Variants in CA4 observed in about 807,000 individuals in gnomAD.
CA4 encodes carbonic anhydrase 4, also known as CA-IV.
CA4 carries 24 observed loss-of-function variants against 34.5 expected under a neutral mutation model. The ratio of observed to expected loss-of-function variants is 0.70; its 90% CI spans 0.50 to 0.98. CA4 has a LOEUF of 0.98. Among genes scored for constraint, CA4 ranks in the 50% least tolerant of loss-of-function variants. CA4 has a pLI of 0.00. For synonymous variants in CA4, 178 were observed against 170.6 expected (o/e 1.04, Z -0.34); for missense variants, 394 against 396.7 (o/e 0.99, Z 0.06).
the CA4 span, among the ~76,000 whole-genome samples, chr17:60,176,169 A>G: frequency 6.6e-6 from 1 of 152,082 alleles, no homozygotes; most frequent in Non-Finnish European, 1.5e-5. Flanking sequence ...TGAACAGAGG[A>G]CTATTAAACT....
At chr17:60,175,188 GATTT>G (rs1164358224), downstream of CA4, among the ~76,000 whole-genome samples, 2 of 91,390 alleles carry the variant, frequency 2.2e-5, no homozygotes, top group Non-Finnish European at 3.7e-5. Flanking sequence ...ACACCCAGCT[GATTT>G]TTTTTTTTTT....
intron 4 of CA4, 30 bp downstream of exon 4, chr17:60,157,602 T>C (rs756976599): frequency 1.2e-6 from 2 of 1,614,076 alleles, no homozygotes; most frequent in Non-Finnish European, 1.7e-6. Flanking sequence ...TGGGACCTTG[T>C]CTGGGCTCTG....
the CA4 span, among the ~76,000 whole-genome samples, chr17:60,178,928 AT>A: frequency 6.6e-6 from 1 of 152,238 alleles, no homozygotes; most frequent in African/African-American, 2.4e-5. Flanking sequence ...GGTAAACTCT[AT>A]ACTCACTACA....
downstream of CA4, among the ~76,000 whole-genome samples, chr17:60,174,436 T>C (rs922247411): frequency 5.3e-5 from 8 of 152,138 alleles, 2 homozygotes; most frequent in African/African-American, 1.9e-4. Flanking sequence ...TGGTGAACAC[T>C]GGGGCCCACA....
Position 60,167,873 on chromosome 17 carries a change from G to T in CA4, c.*179-2678G>T, listed in dbSNP as rs952726148. On this transcript the variant is annotated intron_variant and NMD_transcript_variant, in intron 5 of 5. Coordinates refer to the CA4 transcript ENST00000586876. ...GTCTCCATGAGGCTATTGAATCGGG[G>T]TTCATTCTACTCTAGATGAAGCTGT... 2.0e-5 allele frequency among the ~76,000 whole-genome samples: 3 copies of T among 152,148 alleles called. No individual in the cohort carries two copies. In the South Asian group the frequency reaches 6.2e-4, roughly 32 times the overall value.
downstream of CA4, among the ~76,000 whole-genome samples, chr17:60,174,926 C>T (rs1057502482): frequency 6.6e-6 from 1 of 152,212 alleles, no homozygotes; most frequent in Non-Finnish European, 1.5e-5. Context: ...TCCATGCAGA[C>T]TCACCACCTT....
downstream of CA4, among the ~76,000 whole-genome samples, chr17:60,163,123 C>T: frequency 6.6e-6 from 1 of 151,036 alleles, no homozygotes; most frequent in Non-Finnish European, 1.5e-5. Flanking sequence ...CTTCCTGTGG[C>T]TCTGATCTGA....
At chr17:60,153,620 C>T (rs2083627969) in intron 1 of CA4, among the ~76,000 whole-genome samples, 1 of 152,190 alleles carries the variant, frequency 6.6e-6, no homozygotes, top group Non-Finnish European at 1.5e-5. Flanking sequence ...GGATCGGGAC[C>T]CCTTTCCTGT....
chr17:60,159,783 G>A (rs534472615), downstream of CA4, among the ~76,000 whole-genome samples: 3 of 152,252 alleles, frequency 2.0e-5, no homozygotes, highest in East Asian at 1.9e-4. Flanking sequence ...TCATCACAGC[G>A]GAAGCTAGAG....
chr17:60,166,218 G>A (rs1310190008), intron 5 of CA4, among the ~76,000 whole-genome samples: 2 of 152,254 alleles, frequency 1.3e-5, no homozygotes, highest in East Asian at 1.9e-4. Flanking sequence ...TTTCCTCCTC[G>A]CTGACTCAGC....
chr17:60,172,840 G>A (rs567959070), downstream of CA4, among the ~76,000 whole-genome samples: 20 of 148,630 alleles, frequency 1.3e-4, no homozygotes, highest in African/African-American at 4.7e-4. Flanking sequence ...GTGAAACTCC[G>A]TCTCAAAAAA....
downstream of CA4, among the ~76,000 whole-genome samples, chr17:60,173,131 G>A (rs995175012): frequency 3.3e-5 from 5 of 152,012 alleles, no homozygotes; most frequent in South Asian, 4.1e-4. Flanking sequence ...CAACAAGAGC[G>A]AAACTCCGTC....
At chr17:60,151,883 A>ATT (rs1567726832) in intron 1 of CA4, among the ~76,000 whole-genome samples, 1 of 151,906 alleles carries the variant, frequency 6.6e-6, no homozygotes, top group Non-Finnish European at 1.5e-5. Context: ...GGGTGAGGAT[A>ATT]TTTGGTCCCC....
intron 7 of CA4, chr17:60,158,675 T>C (rs1352306734): frequency 3.4e-6 from 2 of 586,298 alleles, no homozygotes; most frequent in Non-Finnish European, 6.1e-6. Flanking sequence ...ATTCAGAAAA[T>C]GGTGCTGGGG....
intron 3 of CA4, 79 bp from the exon 4 acceptor site, chr17:60,157,348 T>A (rs1387491990): frequency 7.8e-7 from 1 of 1,288,466 alleles, no homozygotes; most frequent in Non-Finnish European, 1.0e-6. Context: ...CAATGTCCCA[T>A]CTGGGTGAAG....
chr17:60,170,472 T>G (rs1320561796), intron 5 of CA4: 1 of 152,312 alleles, frequency 6.6e-6, no homozygotes, highest in Non-Finnish European at 1.5e-5. Context: ...CAGTCTTTGC[T>G]TGACTCAATC....
chr17:60,174,479 A>C (rs2083939773), downstream of CA4, among the ~76,000 whole-genome samples: 1 of 151,576 alleles, frequency 6.6e-6, no homozygotes, highest in African/African-American at 2.4e-5. Flanking sequence ...TGGAGCCTTT[A>C]GATGGGCATG....
downstream of CA4, among the ~76,000 whole-genome samples, chr17:60,174,260 A>G (rs184323984): frequency 1.3e-3 from 203 of 152,206 alleles, 3 homozygotes; most frequent in African/African-American, 4.6e-3. Context: ...TCTGCTCACC[A>G]GAGGGCATGA....
chr17:60,170,124 T>G (rs1364111342), intron 5 of CA4, among the ~76,000 whole-genome samples: 1 of 152,118 alleles, frequency 6.6e-6, no homozygotes, highest in Non-Finnish European at 1.5e-5. Context: ...GGACATGTGG[T>G]ATTTGGTTTA....
Sources: allele counts gnomAD v4.1 joint callset (sites outside exome capture counted in the v4.1 genomes callset), GRCh38; gene constraint gnomAD v4.1.1; transcripts MANE v1.5; gene names NCBI Gene and HGNC (gene_info 2026-07-23, HGNC 2026-07-21).